The following NKD1 variants were observed in gnomAD, a reference collection of about 807,000 sequenced individuals.
NKD1 encodes NKD inhibitor of Wnt signaling pathway 1.
A neutral mutation model predicts 56.0 loss-of-function variants in NKD1; 21 were observed. The observed-to-expected ratio is 0.38, with a 90% CI of 0.27 to 0.54. The LOEUF (loss-of-function observed/expected upper bound fraction) is 0.54, where lower values mean the gene tolerates loss of function less well. Ranked by LOEUF, NKD1 falls within the 20% of genes least tolerant of loss-of-function variation. The probability of loss-of-function intolerance (pLI) is 0.82; values close to 1 mark genes in which losing one functional copy is unlikely to be tolerated. For missense variants in NKD1, 578 were observed against 642.7 expected (o/e 0.90, Z 1.09); for synonymous variants, 263 against 265.7 (o/e 0.99, Z 0.10).
chr16:50,619,411 C>T (rs1171299126), intron 4 of NKD1, among the ~76,000 whole-genome samples: 1 of 152,140 alleles, frequency 6.6e-6, no homozygotes, highest in East Asian at 1.9e-4. Context: ...TTGCCCTTTC[C>T]CAACAGCCCT....
chr16:50,579,464 C>T (rs1961065416), intron 3 of NKD1, among the ~76,000 whole-genome samples: 1 of 139,346 alleles, frequency 7.2e-6, no homozygotes, highest in Admixed American at 7.0e-5. Context: ...CATGCACTGT[C>T]TTAGTCCTGC....
Position 50,621,582 on chromosome 16 carries a change from C to T in NKD1, c.260-20C>T. ...GTCTGGACCCTGCTCCTAATGCTCC[C>T]TCGCCTGCCTCCCCGACAGTGGCCC... On this transcript the variant is annotated intron_variant, in intron 4 of 9. Transcript: ENST00000268459. The T allele has an allele frequency of 6.3e-7, 1 of 1,594,326 alleles. No individual in the cohort carries two copies. The highest frequency in any genetic ancestry group is 8.6e-7 in the Non-Finnish European group (1 of 1,163,408).
intron 5 of NKD1, among the ~76,000 whole-genome samples, chr16:50,622,080 G>T (rs577642278): frequency 5.9e-5 from 9 of 152,312 alleles, no homozygotes; most frequent in African/African-American, 2.2e-4. Context: ...TGTTCTGGGG[G>T]TGCCTGTGGG....
chr16:50,561,324 C>T lies in NKD1; in HGVS notation c.192+11769C>T, dbSNP rs181792881. Among the ~76,000 whole-genome samples, 461 of 151,910 alleles carry T rather than the reference C, an allele frequency of 3.0e-3. 2 individuals carry two copies. Among genetic ancestry groups the T allele is most frequent in the Non-Finnish European group, 4.8e-3 (326 of 67,982 alleles). ...AGCTATGAGGTATCTATTATGACCT[C>T]TCCTGCCTTCTGCTTCCTCCTCTCA... On this transcript the variant is annotated intron_variant, in intron 3 of 9. Coordinates refer to ENST00000268459, the MANE Select transcript of NKD1 (RefSeq NM_033119.5).
At chr16:50,625,232 G>A (rs1019603921) in intron 5 of NKD1, 18 of 542,424 alleles carry the variant, frequency 3.3e-5, no homozygotes, top group Non-Finnish European at 6.0e-5. Context: ...TGTTTCCTTT[G>A]TCTTTGAAGA....
chr16:50,584,433 T>A (rs1961184968), intron 3 of NKD1, among the ~76,000 whole-genome samples: 1 of 152,248 alleles, frequency 6.6e-6, no homozygotes, highest in East Asian at 1.9e-4. Context: ...GTAATCAGCC[T>A]GCCCCAGTTT....
At chr16:50,557,396 C>T (rs1465206730) in intron 3 of NKD1, 3 of 152,196 alleles carry the variant, frequency 2.0e-5, no homozygotes, top group African/African-American at 7.2e-5. Context: ...ACTAAGCTCT[C>T]CCCATGGCCT....
chr16:50,576,438 A>G (rs1960995362), intron 3 of NKD1, among the ~76,000 whole-genome samples: 1 of 152,226 alleles, frequency 6.6e-6, no homozygotes, highest in Non-Finnish European at 1.5e-5. Context: ...ATCCATAGCC[A>G]GATTGCTATG....
At chr16:50,563,127 G>A (rs992980187) in intron 3 of NKD1, among the ~76,000 whole-genome samples, 9 of 152,180 alleles carry the variant, frequency 5.9e-5, no homozygotes, top group Admixed American at 5.9e-4. Flanking sequence ...CTTAGAATGT[G>A]ACCACTGGGA....
intron 6 of NKD1, among the ~76,000 whole-genome samples, chr16:50,625,994 C>T (rs759203079): frequency 6.6e-6 from 1 of 152,228 alleles, no homozygotes; most frequent in Non-Finnish European, 1.5e-5. Flanking sequence ...GCCATGCTGC[C>T]CAGGAGCTTG....
intron 4 of NKD1, among the ~76,000 whole-genome samples, chr16:50,619,911 T>C (rs911758129): frequency 6.6e-6 from 1 of 152,172 alleles, no homozygotes; most frequent in African/African-American, 2.4e-5. Flanking sequence ...GTCTCCCGAA[T>C]TGAGCCATGA....
intron 5 of NKD1, among the ~76,000 whole-genome samples, chr16:50,622,838 A>G (rs368348125): frequency 1.3e-5 from 2 of 152,226 alleles, no homozygotes; most frequent in African/African-American, 4.8e-5. Flanking sequence ...ACCAGGGGAC[A>G]GTTGAGCGCC....
At position 50,548,702 on chromosome 16, in the gene NKD1, G is replaced by C; in HGVS notation, c.26-15G>C. 1.4e-6 allele frequency: 2 copies of C among 1,464,032 alleles called. No individual in the cohort carries two copies. The highest frequency in any genetic ancestry group is 1.8e-6 in the Non-Finnish European group (2 of 1,116,116). The allele number at this position is 1,464,032 out of a possible 1,614,324, so 90.7% of individuals were successfully genotyped here. A position where few individuals can be genotyped will look rare whatever the true frequency, so the allele number is the denominator to read the frequency against. ...CGGCTGCCGCCGCCGCCGCCGCCTCGCGATGTGCCTGCAGCCGCCGTGTGC... is the reference window on the plus strand; with the variant it reads ...CGGCTGCCGCCGCCGCCGCCGCCTCCCGATGTGCCTGCAGCCGCCGTGTGC... On this transcript the variant is annotated splice_polypyrimidine_tract_variant and intron_variant, in intron 1 of 9. Transcript: ENST00000268459.
At chr16:50,565,948 C>T (rs150108885) in intron 3 of NKD1, among the ~76,000 whole-genome samples, 3 of 152,288 alleles carry the variant, frequency 2.0e-5, no homozygotes, top group African/African-American at 4.8e-5. Context: ...TGCCTGTGGT[C>T]GACTTTAGAG....
At position 50,604,591 on chromosome 16, in the gene NKD1, G is replaced by A. The variant is rs966468433; in HGVS notation, c.193-3703G>A. Among the ~76,000 whole-genome samples, 105 of 152,142 alleles carry A rather than the reference G, an allele frequency of 6.9e-4. 1 individual carries two copies. The highest frequency in any genetic ancestry group is 2.4e-3 in the African/African-American group (99 of 41,482). ...CCCTCCAGATATCCTTATTGCTGTC[G>A]CCCCTGTTTACGAATGGGGAGACTG... On this transcript the variant is annotated intron_variant, in intron 3 of 9. Coordinates refer to ENST00000268459, the MANE Select transcript of NKD1 (RefSeq NM_033119.5).
intron 4 of NKD1, among the ~76,000 whole-genome samples, chr16:50,619,370 C>T (rs752383327): frequency 3.3e-5 from 5 of 152,082 alleles, no homozygotes; most frequent in South Asian, 2.1e-4. Flanking sequence ...TACTGCGTGC[C>T]GGCCACTGTG....
rs535429834 is a variant in NKD1, at chr16:50,640,284, T to G, written c.*6503T>G. ...CCCTAAGCACTGAAAACATCATTCC[T>G]CATCCCCAAGCCCTGGCATCCCCCT... On this transcript the variant is annotated 3_prime_UTR_variant, in exon 10 of 10. Coordinates refer to ENST00000268459, the MANE Select transcript of NKD1 (RefSeq NM_033119.5). 1.2e-4 allele frequency: 18 copies of G among 152,384 alleles called. No individual in the cohort carries two copies. The highest frequency in any genetic ancestry group is 4.3e-4 in the African/African-American group (18 of 41,566). The allele number at this position is 152,384 out of a possible 1,614,324, so 9.4% of individuals were successfully genotyped here. A position where few individuals can be genotyped will look rare whatever the true frequency, so the allele number is the denominator to read the frequency against.
chr16:50,617,922 G>A (rs975209311), intron 4 of NKD1, among the ~76,000 whole-genome samples: 5 of 152,160 alleles, frequency 3.3e-5, no homozygotes, highest in Non-Finnish European at 5.9e-5. Flanking sequence ...ATGAAGGGCC[G>A]GATAGTATGT....
intron 3 of NKD1, chr16:50,558,657 TGAG>T (rs1960554332): frequency 7.0e-6 from 1 of 143,590 alleles, no homozygotes. Context: ...GTGGATCACC[TGAG>T]GTCAGGAGTT....
Sources: allele counts gnomAD v4.1 joint callset (sites outside exome capture counted in the v4.1 genomes callset), GRCh38; gene constraint gnomAD v4.1.1; transcripts MANE v1.5; gene names NCBI Gene and HGNC (gene_info 2026-07-23, HGNC 2026-07-21).